The following DDX42 variants were observed in gnomAD, a reference collection of about 807,000 sequenced individuals.
DDX42 encodes the protein ATP-dependent RNA helicase DDX42.
DDX42 carries 22 observed loss-of-function variants against 101.5 expected under a neutral mutation model. The observed-to-expected ratio is 0.22, with a 90% confidence interval of 0.15 to 0.31. The LOEUF is 0.31. DDX42 is among the 10% of genes least tolerant of loss of function. The pLI is 1.00. For missense variants in DDX42, 849 were observed against 1,199.9 expected (o/e 0.71, Z 4.32); for synonymous variants, 402 against 401.2 (o/e 1.00, Z -0.02).
intron 16 of DDX42, 177 bp from the exon 17 acceptor site, chr17:63,816,691 A>G: frequency 2.2e-6 from 1 of 448,072 alleles, no homozygotes; most frequent in South Asian, 4.8e-5. Flanking sequence ...GGTTGAGGGC[A>G]TAAGCATTTT....
In DDX42 at chr17:63,818,177, G is replaced by A. The variant is rs1240685070; in HGVS notation, c.2596G>A (p.Gly866Arg). 9 of 1,613,940 alleles carry A rather than the reference G, an allele frequency of 5.6e-6. No homozygotes were observed. The highest frequency in any genetic ancestry group is 7.6e-6 in the Non-Finnish European group (9 of 1,180,040). The part of the protein sequence containing the change: ...GHRHGENRHG[G>R]SAGRHGENRG... Reference sequence around the variant, plus strand: ...TCGGCACGGGGAGAACAGACATGGAGGAAGCGCAGGCCGGCATGGGGAGAA... The same window carrying A: ...TCGGCACGGGGAGAACAGACATGGAAGAAGCGCAGGCCGGCATGGGGAGAA... Residue 866 changes from glycine to arginine, a missense_variant, in exon 18 of 18, where the codon GGA becomes AGA. Transcript: ENST00000389924.
intron 1 of DDX42, among the ~76,000 whole-genome samples, chr17:63,775,555 C>A (rs1186119307): frequency 6.6e-6 from 1 of 152,074 alleles, no homozygotes; most frequent in Admixed American, 6.6e-5. Context: ...GATATTTAAG[C>A]GGACTAGAAG....
At chr17:63,789,571 G>GTTTTTTTTTTTTT (rs538515067) in intron 2 of DDX42, among the ~76,000 whole-genome samples, 2 of 45,676 alleles carry the variant, frequency 4.4e-5, no homozygotes, top group Admixed American at 2.3e-4. Flanking sequence ...TTTTGTTTTT[G>GTTTTTTTTTTTTT]TTTTTTTTTT....
Position 63,818,579 on chromosome 17 carries a change from CT to C in DDX42, c.*182del, listed in dbSNP as rs1234914358. 6.2e-5 allele frequency: 38 copies of C among 613,112 alleles called. No individual in the cohort carries two copies. The highest frequency in any genetic ancestry group is 9.1e-5 in the Non-Finnish European group (33 of 361,402). The allele number at this position is 613,112 out of a possible 1,614,324, so 38.0% of individuals were successfully genotyped here. On this transcript the variant is annotated 3_prime_UTR_variant, in exon 18 of 18. Transcript: ENST00000389924. Reference sequence around the variant, plus strand: ...AATTTTCGGATGTTTTCTTGGGAAGCTGTTTTGGTCCTTGGAAGCAGTGAGA... The same window carrying C: ...AATTTTCGGATGTTTTCTTGGGAAGCGTTTTGGTCCTTGGAAGCAGTGAGA...
At chr17:63,803,415 C>T (rs866841096) in intron 6 of DDX42, among the ~76,000 whole-genome samples, 10 of 151,616 alleles carry the variant, frequency 6.6e-5, no homozygotes, top group African/African-American at 2.4e-4. Flanking sequence ...ATGGTGAAAC[C>T]CCCGTCTTTG....
At chr17:63,781,601 C>T (rs1482086727) in intron 1 of DDX42, among the ~76,000 whole-genome samples, 1 of 152,142 alleles carries the variant, frequency 6.6e-6, no homozygotes. Flanking sequence ...CTCCTTGTCT[C>T]CCCTTCCTTC....
intron 3 of DDX42, among the ~76,000 whole-genome samples, chr17:63,794,649 A>T (rs941247745): frequency 2.0e-5 from 3 of 151,646 alleles, no homozygotes; most frequent in African/African-American, 7.3e-5. Flanking sequence ...AAAAAAAAAA[A>T]ATTTGGCCGG....
At position 63,818,425 on chromosome 17, in the gene DDX42, G is replaced by A; in HGVS notation, c.*27G>A. 2 of 1,588,960 alleles carry A rather than the reference G, an allele frequency of 1.3e-6. No homozygotes were observed. Among genetic ancestry groups the A allele is most frequent in the Non-Finnish European group, 8.6e-7 (1 of 1,167,802 alleles). ...GGGGATGTGCTAAAGCGTGAAATCA[G>A]TTGTCCTTAATTTTTAGAAAGATTT... On this transcript the variant is annotated 3_prime_UTR_variant, in exon 18 of 18. Coordinates refer to ENST00000389924, the MANE Select transcript of DDX42 (RefSeq NM_203499.3).
In DDX42 at chr17:63,792,440, A is replaced by G. The variant is rs563164616; in HGVS notation, c.250A>G (p.Ser84Gly). 91 of 1,613,242 alleles carry G rather than the reference A, an allele frequency of 5.6e-5. No homozygotes were observed. In the South Asian group the frequency reaches 9.3e-4, roughly 16 times the overall value. ...AYFEDEEEDS[S>G]NVDLPYIPAE... ...TTTTGAAGATGAGGAAGAAGATTCTAGCAACGTTGATTTACCTTACATTCC... is the reference window on the plus strand; with the variant it reads ...TTTTGAAGATGAGGAAGAAGATTCTGGCAACGTTGATTTACCTTACATTCC... The change falls in exon 3 of 18, where the codon AGC (serine) becomes GGC (glycine). Residue 84 changes from serine (S) to glycine (G), a missense_variant. Physicochemically the swap from Ser to Gly is moderately conservative, Grantham distance 56. Around this residue, in one of 5 missense-constraint regions of DDX42, gnomAD observed 92 missense variants for 106.7 expected, o/e 0.86. Transcript: ENST00000389924.
chr17:63,814,778 G>A (rs893331313), intron 15 of DDX42, among the ~76,000 whole-genome samples: 7 of 144,338 alleles, frequency 4.8e-5, no homozygotes, highest in Non-Finnish European at 1.0e-4. Flanking sequence ...CAACCTCTGC[G>A]TCTCCGGTTC....
intron 13 of DDX42, chr17:63,811,724 T>G: frequency 1.5e-6 from 1 of 658,774 alleles, no homozygotes; most frequent in South Asian, 1.8e-5. Flanking sequence ...TAGTGGGGCA[T>G]ACAAATTAGG....
chr17:63,814,218 G>A (rs1466825585), intron 15 of DDX42, among the ~76,000 whole-genome samples: 2 of 152,234 alleles, frequency 1.3e-5, no homozygotes, highest in South Asian at 4.1e-4. Context: ...TCTTCCAGGT[G>A]TGCTCCAATC....
chr17:63,791,581 G>A (rs1567733994), intron 2 of DDX42, among the ~76,000 whole-genome samples: 1 of 152,194 alleles, frequency 6.6e-6, no homozygotes, highest in Non-Finnish European at 1.5e-5. Flanking sequence ...AAAGTGCTGG[G>A]ATTAGAGGTG....
In DDX42 at chr17:63,789,554, TTTTTGTTTTTGTTTTTG is replaced by T. The variant is rs1375408222; in HGVS notation, c.221+2289_221+2305del. Among the ~76,000 whole-genome samples the T allele has an allele frequency of 2.1e-3, 53 of 25,098 alleles. 3 individuals are homozygous for T. The highest frequency in any genetic ancestry group is 0.02 in the African/African-American group (48 of 2,380). 16.5% of individuals were successfully genotyped at this position (25,098 alleles called of 152,430 possible). A position where few individuals can be genotyped will look rare whatever the true frequency, so the allele number is the denominator to read the frequency against. ...AAAAAGCTTCTAAAAGACTTTTTTG[TTTTTGTTTTTGTTTTTG>T]TTTTTTTTTTTTTTTTTTTGAGACA... On this transcript the variant is annotated intron_variant, in intron 2 of 17. Coordinates refer to ENST00000389924, the MANE Select transcript of DDX42 (RefSeq NM_203499.3).
intron 1 of DDX42, chr17:63,774,860 A>G (rs542324581): frequency 6.6e-6 from 1 of 152,182 alleles, no homozygotes; most frequent in Non-Finnish European, 1.5e-5. Context: ...CACTGTAGTC[A>G]CACAAACTTT....
rs745326451 is a variant in DDX42 at position 63,806,523 on chromosome 17, C to T, written c.727-12C>T. On this transcript the variant is annotated splice_polypyrimidine_tract_variant and intron_variant, in intron 7 of 17. Coordinates refer to ENST00000389924, the MANE Select transcript of DDX42 (RefSeq NM_203499.3). ...AGTACAAGTCATTCTGGGGAGTTGTCTCTATCTCTAGGTCTCTGGTGCTGC... is the reference window on the plus strand; with the variant it reads ...AGTACAAGTCATTCTGGGGAGTTGTTTCTATCTCTAGGTCTCTGGTGCTGC... 3.7e-6 allele frequency: 6 copies of T among 1,606,564 alleles called. No homozygotes were observed. The highest frequency in any genetic ancestry group is 1.7e-4 in the Middle Eastern group (1 of 6,030).
At chr17:63,782,257 C>T (rs1044681465) in intron 1 of DDX42, among the ~76,000 whole-genome samples, 6 of 152,088 alleles carry the variant, frequency 3.9e-5, no homozygotes, top group Admixed American at 1.3e-4. Flanking sequence ...CAGCTCTGGG[C>T]GACAGAGCAA....
rs186608316 is a variant in DDX42, at chr17:63,788,816, T to G, written c.221+1546T>G. On this transcript the variant is annotated intron_variant, in intron 2 of 17. Transcript: ENST00000389924. ...ACAAAATATCTCTCTTTGCTGAATC[T>G]GAAGAAATCTCTTGTTGCTATTATT... Among the ~76,000 whole-genome samples, 1,224 of 152,314 alleles carry G rather than the reference T, an allele frequency of 8.0e-3. 19 individuals carry two copies. Among genetic ancestry groups the G allele is most frequent in the African/African-American group, 0.028 (1,155 of 41,568 alleles).
At chr17:63,784,496 CA>C (rs1461600303) in intron 1 of DDX42, among the ~76,000 whole-genome samples, 29 of 152,218 alleles carry the variant, frequency 1.9e-4, no homozygotes, top group African/African-American at 5.5e-4. Flanking sequence ...ATTTTTAGGC[CA>C]GGCAAGGTGG....
Sources: allele counts gnomAD v4.1 joint callset (sites outside exome capture counted in the v4.1 genomes callset), GRCh38; gene constraint gnomAD v4.1.1; regional missense constraint gnomAD v4.1.1; transcripts MANE v1.5; gene names NCBI Gene and HGNC (gene_info 2026-07-23, HGNC 2026-07-21).